The following KIAA1958 variants were observed in gnomAD, a reference collection of about 807,000 sequenced individuals.
The protein encoded by KIAA1958 is uncharacterized protein KIAA1958.
Under a neutral mutation model 47.2 loss-of-function variants are expected in KIAA1958, and 14 were observed. The observed-to-expected ratio is 0.30, with a 90% CI of 0.20 to 0.46. The LOEUF is 0.46. Among genes scored for constraint, KIAA1958 ranks in the 20% least tolerant of loss-of-function variants. The probability of loss-of-function intolerance (pLI) is 1.00; values close to 1 mark genes in which losing one functional copy is unlikely to be tolerated. For missense variants in KIAA1958, 803 were observed against 909.2 expected, an observed-to-expected ratio of 0.88 and a Z score of 1.50; for synonymous variants, 354 against 353.3, an observed-to-expected ratio of 1.00 and a Z score of -0.02.
chr9:112,625,117 G>A (rs561701256), intron 2 of KIAA1958, among the ~76,000 whole-genome samples: 11 of 152,144 alleles, frequency 7.2e-5, no homozygotes, highest in African/African-American at 2.7e-4. Context: ...AAATAAAATT[G>A]GAAACATTTA....
chr9:112,567,959 C>CAAAAAAAAAAAAAAAAAAAAAAAAA (rs35931681), intron 1 of KIAA1958, among the ~76,000 whole-genome samples: 1 of 66,180 alleles, frequency 1.5e-5, no homozygotes, highest in African/African-American at 6.4e-5. Context: ...GAATCCATCT[C>CAAAAAAAAAAAAAAAAAAAAAAAAA]AAAAAAAAAA....
chr9:112,648,839 A>C (rs997379891), intron 3 of KIAA1958, among the ~76,000 whole-genome samples: 1 of 152,260 alleles, frequency 6.6e-6, no homozygotes, highest in Non-Finnish European at 1.5e-5. Context: ...GCATCTAAAC[A>C]AAAATTATCA....
At chr9:112,604,888 T>TA (rs1281777972) in intron 2 of KIAA1958, among the ~76,000 whole-genome samples, 1 of 148,026 alleles carries the variant, frequency 6.8e-6, no homozygotes, top group Non-Finnish European at 1.5e-5. Context: ...GTGGACACTA[T>TA]ATATATATAA....
At position 112,668,211 on chromosome 9, in the gene KIAA1958, C is replaced by G. The variant is rs1837376710; in HGVS notation, c.*8142C>G. 1.3e-5 allele frequency: 2 copies of G among 152,080 alleles called. No homozygotes were observed. Among genetic ancestry groups the G allele is most frequent in the Non-Finnish European group, 2.9e-5 (2 of 68,006 alleles). The allele number at this position is 152,080 out of a possible 1,614,324, so 9.4% of individuals were successfully genotyped here. A position where few individuals can be genotyped will look rare whatever the true frequency, so the allele number is the denominator to read the frequency against. On this transcript the variant is annotated 3_prime_UTR_variant, in exon 4 of 4. Coordinates refer to ENST00000337530, the MANE Select transcript of KIAA1958 (RefSeq NM_133465.4). ...TAGACTAGAGCTTATAGACTGAAGCCCATGTGCTTCTCCATGCTCAAACGC... is the reference window on the plus strand; with the variant it reads ...TAGACTAGAGCTTATAGACTGAAGCGCATGTGCTTCTCCATGCTCAAACGC...
intron 1 of KIAA1958, among the ~76,000 whole-genome samples, chr9:112,523,134 C>T (rs1181148775): frequency 6.6e-6 from 1 of 152,136 alleles, no homozygotes; most frequent in Non-Finnish European, 1.5e-5. Context: ...ACTTATGATT[C>T]CTTATTTGAG....
At chr9:112,629,540 CAA>C (rs1836674179) in intron 2 of KIAA1958, among the ~76,000 whole-genome samples, 2 of 152,254 alleles carry the variant, frequency 1.3e-5, no homozygotes, top group East Asian at 3.9e-4. Flanking sequence ...TGCTGCCTGT[CAA>C]TATTTGTAAT....
intron 1 of KIAA1958, among the ~76,000 whole-genome samples, chr9:112,516,748 G>T (rs1338243414): frequency 2.0e-5 from 3 of 152,182 alleles, no homozygotes; most frequent in South Asian, 2.1e-4. Flanking sequence ...TATAAGAATT[G>T]TTGTTAAAGA....
chr9:112,649,258 A>G (rs1392622140), intron 3 of KIAA1958, among the ~76,000 whole-genome samples: 1 of 152,092 alleles, frequency 6.6e-6, no homozygotes, highest in Non-Finnish European at 1.5e-5. Flanking sequence ...CCTGGGCTCA[A>G]GTGGTCCTTC....
At chr9:112,521,635 T>C (rs930125868) in intron 1 of KIAA1958, among the ~76,000 whole-genome samples, 8 of 152,218 alleles carry the variant, frequency 5.3e-5, no homozygotes, top group African/African-American at 1.7e-4. Flanking sequence ...TTTTGCACTT[T>C]GGAATTTTGA....
At chr9:112,512,646 A>T (rs1834342618) in intron 1 of KIAA1958, among the ~76,000 whole-genome samples, 1 of 151,692 alleles carries the variant, frequency 6.6e-6, no homozygotes, top group Non-Finnish European at 1.5e-5. Context: ...AAGTCAGGCA[A>T]TAGACTGAAC....
chr9:112,661,166 T>C lies in KIAA1958; in HGVS notation c.*1097T>C, dbSNP rs1032863295. 9.9e-5 allele frequency: 15 copies of C among 152,176 alleles called. No individual in the cohort carries two copies. The highest frequency in any genetic ancestry group is 3.1e-4 in the African/African-American group (13 of 41,438). The allele number at this position is 152,176 out of a possible 1,614,324, so 9.4% of individuals were successfully genotyped here. Reference sequence around the variant, plus strand: ...TGTCATCATTTTAGGATGGCACCAATACTTGGGACACGATGATTTAGGCAC... The same window carrying C: ...TGTCATCATTTTAGGATGGCACCAACACTTGGGACACGATGATTTAGGCAC... On this transcript the variant is annotated 3_prime_UTR_variant, in exon 4 of 4. Transcript: ENST00000337530.
intron 2 of KIAA1958, among the ~76,000 whole-genome samples, chr9:112,577,405 G>A (rs1343522897): frequency 6.6e-6 from 1 of 152,040 alleles, no homozygotes; most frequent in Non-Finnish European, 1.5e-5. Flanking sequence ...TCTTTATTAG[G>A]CTGGTGAAAG....
At chr9:112,557,068 C>T (rs1201673688) in intron 1 of KIAA1958, among the ~76,000 whole-genome samples, 5 of 152,124 alleles carry the variant, frequency 3.3e-5, no homozygotes, top group African/African-American at 4.8e-5. Flanking sequence ...AAGTGATCCT[C>T]CCACCTCACC....
At chr9:112,491,532 G>T (rs182852044) in intron 1 of KIAA1958, among the ~76,000 whole-genome samples, 1 of 150,444 alleles carries the variant, frequency 6.6e-6, no homozygotes, top group East Asian at 2.0e-4. Flanking sequence ...GGAATGGCTA[G>T]TAATTATTAG....
At chr9:112,584,577 T>C (rs1235041206) in intron 2 of KIAA1958, among the ~76,000 whole-genome samples, 1 of 152,226 alleles carries the variant, frequency 6.6e-6, no homozygotes. Context: ...ATTTTAACAC[T>C]ATGGGTTTTC....
intron 2 of KIAA1958, among the ~76,000 whole-genome samples, chr9:112,590,645 C>T (rs574970342): frequency 2.0e-5 from 3 of 152,148 alleles, no homozygotes; most frequent in South Asian, 4.1e-4. Context: ...GCCACAGCGC[C>T]GGGCCCAGAC....
At chr9:112,521,994 C>T (rs1045545370) in intron 1 of KIAA1958, among the ~76,000 whole-genome samples, 6 of 27,032 alleles carry the variant, frequency 2.2e-4, no homozygotes, top group African/African-American at 3.4e-4. Context: ...TATTTTGAGA[C>T]GAGTTTCGCT....
chr9:112,527,371 T>A (rs1478843699), intron 1 of KIAA1958, among the ~76,000 whole-genome samples: 1 of 152,108 alleles, frequency 6.6e-6, no homozygotes, highest in Non-Finnish European at 1.5e-5. Context: ...GAGGAATGGC[T>A]CTAAAACAGG....
chr9:112,492,422 C>G (rs185062136), intron 1 of KIAA1958, among the ~76,000 whole-genome samples: 49 of 152,290 alleles, frequency 3.2e-4, no homozygotes, highest in African/African-American at 1.1e-3. Flanking sequence ...CTTACTTCCC[C>G]TATAAGTCAC....
Sources: allele counts gnomAD v4.1 joint callset (sites outside exome capture counted in the v4.1 genomes callset), GRCh38; gene constraint gnomAD v4.1.1; transcripts MANE v1.5; gene names NCBI Gene and HGNC (gene_info 2026-07-23, HGNC 2026-07-21).